Variants in OPCML observed in about 807,000 individuals in gnomAD.
OPCML encodes the protein opioid-binding protein/cell adhesion molecule.
In OPCML, 13 loss-of-function variants were observed where a neutral mutation model predicts 37.8. The ratio of observed to expected loss-of-function variants is 0.34; its 90% CI spans 0.22 to 0.55. The LOEUF (loss-of-function observed/expected upper bound fraction) is 0.55, where lower values mean the gene tolerates loss of function less well. Among genes scored for constraint, OPCML ranks in the 20% least tolerant of loss-of-function variants. The probability of loss-of-function intolerance (pLI) is 0.91; values close to 1 mark genes in which losing one functional copy is unlikely to be tolerated. For missense variants in OPCML, 341 were observed against 435.6 expected, an observed-to-expected ratio of 0.78 and a Z score of 1.93; for synonymous variants, 176 against 168.8, an observed-to-expected ratio of 1.04 and a Z score of -0.33.
intron 1 of OPCML, among the ~76,000 whole-genome samples, chr11:132,959,005 G>C (rs11605949): frequency 0.044 from 6,752 of 152,276 alleles, 198 homozygotes; most frequent in Non-Finnish European, 0.067. Flanking sequence ...CATTTGTAAG[G>C]CTATGGCTGC....
intron 1 of OPCML, among the ~76,000 whole-genome samples, chr11:133,305,175 T>TCTCACA (rs1454564015): frequency 1.3e-5 from 2 of 152,184 alleles, no homozygotes; most frequent in East Asian, 1.9e-4. Context: ...AGAGATGTTG[T>TCTCACA]GAGTATTACA....
intron 3 of OPCML, among the ~76,000 whole-genome samples, chr11:132,557,698 G>C (rs1371564467): frequency 6.6e-6 from 1 of 152,028 alleles, no homozygotes; most frequent in East Asian, 1.9e-4. Context: ...TATATTCTAG[G>C]CACTTTGCCA....
At chr11:133,109,148 C>T (rs186761861) in intron 1 of OPCML, among the ~76,000 whole-genome samples, 21 of 152,326 alleles carry the variant, frequency 1.4e-4, no homozygotes, top group South Asian at 1.0e-3. Context: ...TACCTGCTCC[C>T]ACTGTGTCTG....
intron 2 of OPCML, among the ~76,000 whole-genome samples, chr11:132,745,157 A>G (rs1945572559): frequency 6.6e-6 from 1 of 152,128 alleles, no homozygotes; most frequent in Non-Finnish European, 1.5e-5. Context: ...TCCTACTTCC[A>G]GGGAGAGGAA....
chr11:133,351,540 CCTT>C (rs35818622), intron 1 of OPCML, among the ~76,000 whole-genome samples: 106,493 of 151,562 alleles, frequency 0.7, 37,512 homozygotes, highest in East Asian at 0.91. Flanking sequence ...CTAAGCCTCT[CCTT>C]CTCTTTCTGA....
At chr11:132,594,652 A>C (rs2096489696) in intron 3 of OPCML, among the ~76,000 whole-genome samples, 1 of 152,200 alleles carries the variant, frequency 6.6e-6, no homozygotes, top group Admixed American at 6.5e-5. Flanking sequence ...AAAAAGCATA[A>C]GTTTTCAAAG....
chr11:132,692,109 G>T (rs1022484429), intron 2 of OPCML, among the ~76,000 whole-genome samples: 1 of 152,122 alleles, frequency 6.6e-6, no homozygotes, highest in Non-Finnish European at 1.5e-5. Context: ...ATCAAAAGCA[G>T]CAGAAGAAAA....
At chr11:133,351,503 G>C (rs564122924) in intron 1 of OPCML, among the ~76,000 whole-genome samples, 1 of 150,230 alleles carries the variant, frequency 6.7e-6, no homozygotes, top group Non-Finnish European at 1.5e-5. Context: ...CTTGTTAATT[G>C]TTAGGTCATT....
chr11:132,602,583 C>T (rs190917969), intron 3 of OPCML, among the ~76,000 whole-genome samples: 1 of 152,310 alleles, frequency 6.6e-6, no homozygotes, highest in Admixed American at 6.5e-5. Context: ...GCCCTGGCGA[C>T]ACCTTCCTAC....
chr11:132,462,844 G>C (rs1432292633), intron 4 of OPCML, among the ~76,000 whole-genome samples: 15 of 152,164 alleles, frequency 9.9e-5, no homozygotes, highest in African/African-American at 2.4e-5. Context: ...ACTCAAGTTT[G>C]TATCTGGAAA....
intron 1 of OPCML, among the ~76,000 whole-genome samples, chr11:133,063,464 G>A (rs1025261465): frequency 6.6e-6 from 1 of 152,128 alleles, no homozygotes; most frequent in Non-Finnish European, 1.5e-5. Context: ...GGCTGCCTTC[G>A]AACCTATTTT....
intron 2 of OPCML, among the ~76,000 whole-genome samples, chr11:132,875,040 C>T (rs558616099): frequency 1.5e-4 from 23 of 152,282 alleles, no homozygotes; most frequent in African/African-American, 4.6e-4. Context: ...ATATAATCTA[C>T]GCAAGTTTTT....
At chr11:133,010,727 T>C (rs1479808779) in intron 1 of OPCML, among the ~76,000 whole-genome samples, 2 of 152,140 alleles carry the variant, frequency 1.3e-5, no homozygotes, top group Non-Finnish European at 2.9e-5. Context: ...AGTAAATAAA[T>C]TGGAAGATTA....
chr11:133,280,547 C>A (rs577036035), intron 1 of OPCML, among the ~76,000 whole-genome samples: 7 of 152,324 alleles, frequency 4.6e-5, no homozygotes, highest in Admixed American at 1.3e-4. Context: ...AACATTTGCG[C>A]ATATCTCCAG....
chr11:133,464,884 C>G (rs1386628013), intron 1 of OPCML, among the ~76,000 whole-genome samples: 1 of 152,062 alleles, frequency 6.6e-6, no homozygotes, highest in Non-Finnish European at 1.5e-5. Flanking sequence ...GTAAGGCAGG[C>G]CTTGATCTCA....
chr11:132,607,315 A>T (rs542600388), intron 3 of OPCML, among the ~76,000 whole-genome samples: 1 of 152,306 alleles, frequency 6.6e-6, no homozygotes, highest in Admixed American at 6.5e-5. Context: ...CAGCATCATG[A>T]GGTTGGGTGG....
intron 1 of OPCML, chr11:133,025,997 G>T (rs1947548294): frequency 1.1e-6 from 1 of 933,250 alleles, no homozygotes; most frequent in African/African-American, 1.8e-5. Context: ...GGCCACCAAA[G>T]GTGCTGGGAT....
intron 2 of OPCML, among the ~76,000 whole-genome samples, chr11:132,683,272 T>C (rs756412655): frequency 7.9e-5 from 12 of 152,164 alleles, no homozygotes; most frequent in Non-Finnish European, 1.6e-4. Flanking sequence ...TAGTGGCGCA[T>C]GCCTGTAGTC....
chr11:133,507,948 A>C, intron 1 of OPCML, among the ~76,000 whole-genome samples: 1 of 114,334 alleles, frequency 8.7e-6, no homozygotes, highest in Admixed American at 8.2e-5. Flanking sequence ...GTATGTCTCA[A>C]AAAAAAAAAA....
Sources: gnomAD v4.1 joint callset for allele counts (sites outside exome capture counted in the v4.1 genomes callset) on GRCh38, gnomAD v4.1.1 for gene constraint, MANE v1.5 for transcripts, NCBI Gene and HGNC (gene_info 2026-07-23, HGNC 2026-07-21) for gene names.